The following MAN1C1 variants were observed in gnomAD, a reference collection of about 807,000 sequenced individuals.
The protein encoded by MAN1C1 is mannosyl-oligosaccharide 1,2-alpha-mannosidase IC.
Under a neutral mutation model 71.5 loss-of-function variants are expected in MAN1C1, and 49 were observed. The observed-to-expected ratio is 0.69, with a 90% confidence interval of 0.54 to 0.87. MAN1C1 has a LOEUF of 0.87. Among genes scored for constraint, MAN1C1 ranks in the 40% least tolerant of loss-of-function variants. The pLI is 0.00. For missense variants in MAN1C1, 743 were observed against 835.0 expected, an observed-to-expected ratio of 0.89 and a Z score of 1.36; for synonymous variants, 352 against 343.7, an observed-to-expected ratio of 1.02 and a Z score of -0.27.
rs141011908 is a variant in MAN1C1, at chr1:25,622,864, T to C, written c.540+4527T>C. ...CTGGTTCGTTAGTCATGTGTGATTT[T>C]TTTCTGTTTTCTCTGTATATCTGAT... On this transcript the variant is annotated intron_variant, in intron 1 of 11. Coordinates refer to ENST00000374332, the MANE Select transcript of MAN1C1 (RefSeq NM_020379.4). 6.7e-3 allele frequency among the ~76,000 whole-genome samples: 1,025 copies of C among 152,324 alleles called. 8 individuals carry two copies. Among genetic ancestry groups the C allele is most frequent in the African/African-American group, 0.021 (859 of 41,562 alleles).
chr1:25,710,466 T>C (rs2046599041), intron 2 of MAN1C1, among the ~76,000 whole-genome samples: 1 of 152,256 alleles, frequency 6.6e-6, no homozygotes. Context: ...ACCTTAATAA[T>C]AATAGTTGCT....
chr1:25,643,317 C>T (rs920806200), intron 1 of MAN1C1, among the ~76,000 whole-genome samples: 10 of 151,532 alleles, frequency 6.6e-5, no homozygotes, highest in African/African-American at 1.9e-4. Flanking sequence ...TTCAATAGCA[C>T]GATCTCTGCT....
chr1:25,753,693 A>AG lies in MAN1C1; in HGVS notation c.929+121dup. 2.4e-6 allele frequency: 2 copies of AG among 837,568 alleles called. No homozygotes were observed. The highest frequency in any genetic ancestry group is 1.9e-6 in the Non-Finnish European group (1 of 533,418). 51.9% of individuals were successfully genotyped at this position (837,568 alleles called of 1,614,324 possible). A position where few individuals can be genotyped will look rare whatever the true frequency, so the allele number is the denominator to read the frequency against. On this transcript the variant is annotated intron_variant, in intron 5 of 11. Transcript: ENST00000374332. The surrounding 1 kb of genome is among the most constrained non-coding windows in gnomAD (Gnocchi z 4.9). Reference sequence around the variant, plus strand: ...CAGGGGCAGTAGGCAGGCAAGCAGGAGGGGGGACCCTTGGGACCACCTCTG... The same window carrying AG: ...CAGGGGCAGTAGGCAGGCAAGCAGGAGGGGGGGACCCTTGGGACCACCTCTG...
chr1:25,750,677 G>A (rs574116605), intron 4 of MAN1C1, among the ~76,000 whole-genome samples: 1 of 152,176 alleles, frequency 6.6e-6, no homozygotes, highest in Non-Finnish European at 1.5e-5. Flanking sequence ...AGAGATTAGC[G>A]CTTGTACCAA....
At position 25,631,985 on chromosome 1, in the gene MAN1C1, G is replaced by T. The variant is rs966158867; in HGVS notation, c.540+13648G>T. On this transcript the variant is annotated intron_variant, in intron 1 of 11. Coordinates refer to ENST00000374332, the MANE Select transcript of MAN1C1 (RefSeq NM_020379.4). The surrounding 1 kb of genome is among the most constrained non-coding windows in gnomAD (Gnocchi z 4.2). ...GGGGTTTCACCATGTTGGCTAGGCTGGTCTTGAATCCTGAACTCCTGACCT... is the reference window on the plus strand; with the variant it reads ...GGGGTTTCACCATGTTGGCTAGGCTTGTCTTGAATCCTGAACTCCTGACCT... Among the ~76,000 whole-genome samples, 1 of 152,104 alleles carries T rather than the reference G, an allele frequency of 6.6e-6. No individual in the cohort carries two copies. The highest frequency in any genetic ancestry group is 1.5e-5 in the Non-Finnish European group (1 of 68,016).
chr1:25,672,929 A>G (rs2046012174), intron 1 of MAN1C1, among the ~76,000 whole-genome samples: 1 of 152,030 alleles, frequency 6.6e-6, no homozygotes, highest in African/African-American at 2.4e-5. Context: ...ATGGCATTTA[A>G]TGGTTTGCCT....
intron 1 of MAN1C1, among the ~76,000 whole-genome samples, chr1:25,637,774 C>T (rs1311272974): frequency 1.3e-5 from 2 of 151,758 alleles, no homozygotes; most frequent in Admixed American, 1.3e-4. Flanking sequence ...AAGAATTGGC[C>T]CTTTTTAACA....
At chr1:25,701,548 G>A (rs1183699098) in intron 2 of MAN1C1, among the ~76,000 whole-genome samples, 1 of 152,232 alleles carries the variant, frequency 6.6e-6, no homozygotes, top group Non-Finnish European at 1.5e-5. Flanking sequence ...CTCTGCCTCA[G>A]GGACTGGGAA....
intron 7 of MAN1C1, among the ~76,000 whole-genome samples, chr1:25,771,003 C>G (rs1490644673): frequency 1.3e-5 from 2 of 152,174 alleles, no homozygotes; most frequent in African/African-American, 4.8e-5. Flanking sequence ...CTGGGACGGC[C>G]CTGGGTGGAG....
chr1:25,697,197 C>T (rs563770624), intron 2 of MAN1C1, among the ~76,000 whole-genome samples: 11 of 152,266 alleles, frequency 7.2e-5, no homozygotes, highest in Non-Finnish European at 1.6e-4. Context: ...CCTCTTTCCC[C>T]CCTTCCCCAG....
At chr1:25,676,416 C>T (rs570648572) in intron 1 of MAN1C1, among the ~76,000 whole-genome samples, 3 of 152,284 alleles carry the variant, frequency 2.0e-5, no homozygotes, top group African/African-American at 7.2e-5. Flanking sequence ...TTTGCAGGAG[C>T]CTCACTGGGG....
chr1:25,763,486 C>CAAAAAAAAAAAAAAAAA (rs60144894), intron 6 of MAN1C1, among the ~76,000 whole-genome samples: 2 of 87,632 alleles, frequency 2.3e-5, no homozygotes, highest in African/African-American at 8.2e-5. Flanking sequence ...GAGACTGTCT[C>CAAAAAAAAAAAAAAAAA]AAAAAAAAAA....
At chr1:25,692,883 G>A (rs2124194288) in intron 2 of MAN1C1, among the ~76,000 whole-genome samples, 1 of 152,234 alleles carries the variant, frequency 6.6e-6, no homozygotes, top group East Asian at 1.9e-4. Context: ...AGTACTCAGG[G>A]GTCGAACAGA....
intron 1 of MAN1C1, among the ~76,000 whole-genome samples, chr1:25,651,992 A>T (rs1256757842): frequency 6.6e-6 from 1 of 152,158 alleles, no homozygotes; most frequent in Non-Finnish European, 1.5e-5. Context: ...CTGAGCAGGG[A>T]TGGTGGAGTA....
At position 25,746,209 on chromosome 1, in the gene MAN1C1, G is replaced by T. The variant is rs1411378609; in HGVS notation, c.638-459G>T. 6.6e-6 allele frequency among the ~76,000 whole-genome samples: 1 copy of T among 152,200 alleles called. No individual in the cohort carries two copies. Among genetic ancestry groups the T allele is most frequent in the African/African-American group, 2.4e-5 (1 of 41,454 alleles). On this transcript the variant is annotated intron_variant, in intron 2 of 11. Transcript: ENST00000374332. The surrounding 1 kb of genome is among the most constrained non-coding windows in gnomAD (Gnocchi z 4.0). Reference sequence around the variant, plus strand: ...GGTCCCAGCTACTTGGGAGGCTGAGGTGGGAGAATCGCTTGAACCTGGGAG... The same window carrying T: ...GGTCCCAGCTACTTGGGAGGCTGAGTTGGGAGAATCGCTTGAACCTGGGAG...
At chr1:25,702,039 G>A (rs1444056571) in intron 2 of MAN1C1, among the ~76,000 whole-genome samples, 1 of 152,202 alleles carries the variant, frequency 6.6e-6, no homozygotes, top group East Asian at 1.9e-4. Context: ...CAGCCTGGGT[G>A]ACAGAGCTAG....
At chr1:25,719,808 C>T (rs2046739397) in intron 2 of MAN1C1, among the ~76,000 whole-genome samples, 1 of 152,096 alleles carries the variant, frequency 6.6e-6, no homozygotes, top group African/African-American at 2.4e-5. Flanking sequence ...TTGTTTGAGA[C>T]AGTTTCACTC....
chr1:25,740,596 C>T (rs1169564656), intron 2 of MAN1C1, among the ~76,000 whole-genome samples: 1 of 152,130 alleles, frequency 6.6e-6, no homozygotes. Context: ...GCCACCATGC[C>T]CGGCTAATTT....
intron 6 of MAN1C1, among the ~76,000 whole-genome samples, chr1:25,763,295 C>G (rs1381368188): frequency 6.6e-6 from 1 of 151,758 alleles, no homozygotes; most frequent in Non-Finnish European, 1.5e-5. Context: ...TTGAGACCAG[C>G]TTGGCTGACA....
Sources: gnomAD v4.1 joint callset for allele counts (sites outside exome capture counted in the v4.1 genomes callset) on GRCh38, gnomAD v4.1.1 for gene constraint, Gnocchi (gnomAD v3.1) non-coding constraint, MANE v1.5 for transcripts, NCBI Gene and HGNC (gene_info 2026-07-23, HGNC 2026-07-21) for gene names.